Variants in ARPC1B observed in about 807,000 individuals in gnomAD.
The protein encoded by ARPC1B is actin-related protein 2/3 complex subunit 1B.
A neutral mutation model predicts 46.0 loss-of-function variants in ARPC1B; 29 were observed. That is an observed-to-expected ratio of 0.63 (90% CI 0.47 to 0.86). ARPC1B has a LOEUF of 0.86. Ranked by LOEUF, ARPC1B falls within the 40% of genes least tolerant of loss-of-function variation. The pLI, the probability that ARPC1B is intolerant of heterozygous loss-of-function variation, is 0.00. For missense variants in ARPC1B, 469 were observed against 529.4 expected, an observed-to-expected ratio of 0.89 and a Z score of 1.12; for synonymous variants, 201 against 213.9, an observed-to-expected ratio of 0.94 and a Z score of 0.53.
At chr7:99,383,756 A>C in intron 1 of ARPC1B, among the ~76,000 whole-genome samples, 1 of 152,186 alleles carries the variant, frequency 6.6e-6, no homozygotes, top group East Asian at 1.9e-4. Flanking sequence ...CGGAAGCCCG[A>C]GGCAGGTGCA....
At chr7:99,390,334 C>A (rs1794530989) in intron 5 of ARPC1B, among the ~76,000 whole-genome samples, 1 of 152,076 alleles carries the variant, frequency 6.6e-6, no homozygotes, top group African/African-American at 2.4e-5. Context: ...GCTTCTCAGC[C>A]TCCCAAGCAA....
chr7:99,387,645 G>T (rs1794434458), intron 3 of ARPC1B, among the ~76,000 whole-genome samples: 1 of 151,210 alleles, frequency 6.6e-6, no homozygotes, highest in Admixed American at 6.6e-5. Context: ...GCTGATATGT[G>T]AGAATTGCTT....
chr7:99,391,834 C>T (rs191891981), intron 7 of ARPC1B, among the ~76,000 whole-genome samples: 6 of 151,658 alleles, frequency 4.0e-5, no homozygotes, highest in African/African-American at 1.2e-4. Flanking sequence ...GGCAGATCAC[C>T]TGAGGTCAGG....
At chr7:99,376,919 G>A (rs949758173) in intron 1 of ARPC1B, among the ~76,000 whole-genome samples, 4 of 151,798 alleles carry the variant, frequency 2.6e-5, no homozygotes, top group Admixed American at 2.6e-4. Flanking sequence ...CTTGCTTCAG[G>A]GGGAGAATGG....
At chr7:99,375,786 G>T (rs1026940593) in intron 1 of ARPC1B, among the ~76,000 whole-genome samples, 6 of 152,322 alleles carry the variant, frequency 3.9e-5, no homozygotes, top group Non-Finnish European at 8.8e-5. Flanking sequence ...AATGTAGCCA[G>T]GCGCTGTGGC....
chr7:99,386,691 C>T lies in ARPC1B; in HGVS notation c.71C>T (p.Ala24Val), dbSNP rs866239841. 1 of 1,613,386 alleles carries T rather than the reference C, an allele frequency of 6.2e-7. No individual in the cohort carries two copies. The highest frequency in any genetic ancestry group is 1.6e-4 in the Middle Eastern group (1 of 6,062). ...CCCTCCATCTCCCCTTCAGAGATTG[C>T]CATCTGCCCCAACAACCATGAGGTG... Reference protein sequence around the residue: ...HAWNKDRTQIAICPNNHEVHI... With the variant: ...HAWNKDRTQIVICPNNHEVHI... The change falls in exon 3 of 10, where the codon GCC becomes GTC. Residue 24 changes from alanine (A) to valine (V), a missense_variant. Transcript: ENST00000646101.
intron 1 of ARPC1B, among the ~76,000 whole-genome samples, chr7:99,383,789 C>T (rs1039139892): frequency 6.6e-6 from 1 of 152,164 alleles, no homozygotes; most frequent in Non-Finnish European, 1.5e-5. Context: ...CCAGGATTGG[C>T]CTCTGGTTGG....
intron 1 of ARPC1B, among the ~76,000 whole-genome samples, chr7:99,385,310 G>C (rs899814825): frequency 1.4e-5 from 2 of 147,570 alleles, no homozygotes; most frequent in Non-Finnish European, 3.0e-5. Flanking sequence ...TTGGGTGGGG[G>C]GGGGGGGGTC....
chr7:99,393,034 T>A (rs1172705508), intron 8 of ARPC1B, among the ~76,000 whole-genome samples, 158 bp downstream of exon 8: 1 of 152,074 alleles, frequency 6.6e-6, no homozygotes, highest in African/African-American at 2.4e-5. Context: ...CTCAACTCGC[T>A]GCGCCGGAAC....
Position 99,386,586 on chromosome 7 carries a change from G to C in ARPC1B, c.65-99G>C, listed in dbSNP as rs1794397544. The C allele has an allele frequency of 1.6e-5, 15 of 964,882 alleles. No homozygotes were observed. The East Asian group carries it at 3.6e-4, about 23-fold the overall frequency. 59.8% of individuals were successfully genotyped at this position (964,882 alleles called of 1,614,324 possible). A position where few individuals can be genotyped will look rare whatever the true frequency, so the allele number is the denominator to read the frequency against. On this transcript the variant is annotated intron_variant, in intron 2 of 9. Transcript: ENST00000646101. Reference sequence around the variant, plus strand: ...GGCAGAAGAGGAGAGACTGAGTCATGAAAGGTGAGGTGTTGTTGCCTAGGT... The same window carrying C: ...GGCAGAAGAGGAGAGACTGAGTCATCAAAGGTGAGGTGTTGTTGCCTAGGT...
In ARPC1B at chr7:99,392,721, G is replaced by A. The variant is rs200163199; in HGVS notation, c.834G>A (p.Met278Ile). The change falls in exon 8 of 10, where the codon ATG becomes ATA. Residue 278 changes from methionine to isoleucine, a missense_variant. Physicochemically the swap from Met to Ile is conservative, Grantham distance 10. Coordinates refer to ENST00000646101, the MANE Select transcript of ARPC1B (RefSeq NM_005720.4). ...VLFTYDAAAG[M>I]LSFGGRLDVP... ...TCACCTATGACGCCGCCGCGGGGAT[G>A]CTGAGCTTCGGCGGGCGGCTGGACG... The A allele has an allele frequency of 2.0e-4, 316 of 1,548,042 alleles. No homozygotes were observed. The African/African-American group carries it at 4.0e-3, about 19-fold the overall frequency.
Position 99,390,059 on chromosome 7 carries a change from T to G in ARPC1B, c.500+47T>G, listed in dbSNP as rs566880229. On this transcript the variant is annotated intron_variant, in intron 5 of 9. Transcript: ENST00000646101. ...GAGGGCGGGGCTGACGTCAACTGAC[T>G]GCTGACATCATAGCGGGGAGCCGCA... 1.4e-5 allele frequency: 21 copies of G among 1,527,198 alleles called. No homozygotes were observed. In the African/African-American group the frequency reaches 2.2e-4, roughly 16 times the overall value. 94.6% of individuals were successfully genotyped at this position (1,527,198 alleles called of 1,614,324 possible).
intron 2 of ARPC1B, chr7:99,386,392 G>A (rs1258766696): frequency 3.6e-6 from 2 of 554,206 alleles, no homozygotes; most frequent in Admixed American, 2.2e-5. Flanking sequence ...GGGCTGGCAG[G>A]TGCAGGGGCC....
intron 7 of ARPC1B, chr7:99,392,168 G>A (rs956349866): frequency 6.4e-6 from 1 of 155,610 alleles, no homozygotes; most frequent in Non-Finnish European, 1.4e-5. Context: ...ATCATGCCCT[G>A]GGTCTTAACA....
At chr7:99,386,278 A>G (rs1794389025) in intron 2 of ARPC1B, 4 of 365,658 alleles carry the variant, frequency 1.1e-5, no homozygotes, top group African/African-American at 6.4e-5. Context: ...GAAAGAAAGA[A>G]AGAAAAAGTG....
At chr7:99,385,553 C>T in intron 1 of ARPC1B, 149 bp from the exon 2 acceptor site, 2 of 667,616 alleles carry the variant, frequency 3.0e-6, no homozygotes, top group Non-Finnish European at 5.1e-6. Flanking sequence ...GGGCTGGCCC[C>T]TGCTGCTCCT....
At chr7:99,379,892 A>G (rs10236149) in intron 1 of ARPC1B, among the ~76,000 whole-genome samples, 53,126 of 150,316 alleles carry the variant, frequency 0.35, 15,939 homozygotes, top group African/African-American at 0.82. Context: ...TGATCCACCC[A>G]CCTCGGCCTC....
chr7:99,377,333 GAC>G (rs1382959086), intron 1 of ARPC1B: 7 of 141,590 alleles, frequency 4.9e-5, no homozygotes, highest in African/African-American at 1.5e-4. Flanking sequence ...TTTTTTTTGA[GAC>G]AGTGTCTTGT....
intron 2 of ARPC1B, chr7:99,386,262 AAGAG>A (rs956044812): frequency 3.6e-5 from 13 of 356,962 alleles, no homozygotes; most frequent in Non-Finnish European, 4.9e-5. Flanking sequence ...AAAAAAAAAA[AAGAG>A]AGAAAGAAAG....
Sources: allele counts gnomAD v4.1 joint callset (sites outside exome capture counted in the v4.1 genomes callset), GRCh38; gene constraint gnomAD v4.1.1; transcripts MANE v1.5; gene names NCBI Gene and HGNC (gene_info 2026-07-23, HGNC 2026-07-21).